The following MED24 variants were observed in gnomAD, a reference collection of about 807,000 sequenced individuals.
The protein encoded by MED24 is mediator complex subunit 24, also known as mediator of RNA polymerase II transcription subunit 24.
Under a neutral mutation model 118.8 loss-of-function variants are expected in MED24, and 74 were observed. The observed-to-expected ratio is 0.62, with a 90% confidence interval of 0.52 to 0.76. The LOEUF is 0.76. Ranked by LOEUF, MED24 falls within the 30% of genes least tolerant of loss-of-function variation. The pLI is 0.00. For synonymous variants in MED24, 521 were observed against 523.9 expected (o/e 0.99, Z 0.08); for missense variants, 1,041 against 1,278.9 (o/e 0.81, Z 2.84).
Position 40,026,344 on chromosome 17 carries a change from G to T in MED24, c.1810-13C>A, listed in dbSNP as rs372598387. ...TATCAGTGATTTTCTAGGGGAGACG[G>T]AAAGGTGATGGGCTACCATCTATCT... On this transcript the variant is annotated splice_polypyrimidine_tract_variant and intron_variant, in intron 18 of 25. Coordinates refer to ENST00000394128, the MANE Select transcript of MED24 (RefSeq NM_014815.4). 9 of 1,610,352 alleles carry T rather than the reference G, an allele frequency of 5.6e-6. No homozygotes were observed. The African/African-American group carries it at 9.3e-5, about 17-fold the overall frequency.
intron 3 of MED24, among the ~76,000 whole-genome samples, chr17:40,040,101 C>T (rs546113921): frequency 7.2e-6 from 1 of 138,568 alleles, no homozygotes; most frequent in Non-Finnish European, 1.5e-5. Context: ...TTTTTTGAGA[C>T]AGAGTCTCAC....
At chr17:40,031,662 C>T (rs544927811) in intron 10 of MED24, 42 bp from the exon 11 acceptor site, 2 of 1,561,658 alleles carry the variant, frequency 1.3e-6, no homozygotes, top group South Asian at 1.1e-5. Flanking sequence ...CCAGGGCCAC[C>T]AGGCCCTGAT....
At chr17:40,036,018 T>A in intron 4 of MED24, 98 bp downstream of exon 4, 1 of 1,379,740 alleles carries the variant, frequency 7.2e-7, no homozygotes, top group Non-Finnish European at 1.0e-6. Flanking sequence ...CATCATGTGC[T>A]GCCTATCCAG....
At chr17:40,042,658 G>A (rs1317336342) in intron 3 of MED24, among the ~76,000 whole-genome samples, 1 of 152,098 alleles carries the variant, frequency 6.6e-6, no homozygotes, top group Non-Finnish European at 1.5e-5. Flanking sequence ...CAGCCTGGAA[G>A]ACAGAGTGAT....
intron 15 of MED24, chr17:40,027,691 G>A (rs1598341108): frequency 1.5e-6 from 1 of 666,662 alleles, no homozygotes; most frequent in East Asian, 2.7e-5. Context: ...AAGTCGTAAA[G>A]GGATGAGGGG....
At chr17:40,020,042 T>C in intron 24 of MED24, 109 bp from the exon 25 acceptor site, 1 of 1,375,794 alleles carries the variant, frequency 7.3e-7, no homozygotes, top group Non-Finnish European at 1.0e-6. Flanking sequence ...ATGCTGAGCA[T>C]GTCCCCAAAA....
At position 40,019,563 on chromosome 17, in the gene MED24, C is replaced by A. The variant is rs761984159; in HGVS notation, c.2936G>T (p.Arg979Leu). ...AGCAATGGCTTTAGCAGCCACCTGG[C>A]GGCCCAGGGGCAGGCTGAGGTCCGT... ...AITDLSLPLG[R>L]QVAAKAIAAL Residue 979 changes from arginine (R) to leucine (L), a missense_variant, in exon 26 of 26, where the codon CGC (arginine) becomes CTC (leucine). Physicochemically the swap from Arg to Leu is moderately radical, Grantham distance 102. Coordinates refer to ENST00000394128, the MANE Select transcript of MED24 (RefSeq NM_014815.4). 2.5e-6 allele frequency: 4 copies of A among 1,612,444 alleles called. No homozygotes were observed. The highest frequency in any genetic ancestry group is 2.5e-6 in the Non-Finnish European group (3 of 1,179,530).
At position 40,021,931 on chromosome 17, in the gene MED24, C is replaced by T. The variant is rs536634135; in HGVS notation, c.2623+24G>A. ...AGTGAATTCCCAGGAAAAGGAGCGG[C>T]GCGCGGCCAGCCCACACACTCACTG... is the stretch of plus-strand genomic sequence containing the variant. On this transcript the variant is annotated intron_variant, in intron 23 of 25. Transcript: ENST00000394128. The T allele has an allele frequency of 4.7e-5, 71 of 1,518,988 alleles. No homozygotes were observed. In the South Asian group the frequency reaches 6.2e-4, roughly 13 times the overall value. 94.1% of individuals were successfully genotyped at this position (1,518,988 alleles called of 1,614,324 possible).
Position 40,053,496 on chromosome 17 carries a change from C to G in MED24, c.103G>C (p.Ala35Pro). Residue 35 changes from alanine (A) to proline (P), a missense_variant, in exon 2 of 26, where the codon GCC becomes CCC. Ala to Pro is a conservative substitution (Grantham distance 27). Around this residue, in one of 3 missense-constraint regions of MED24, gnomAD observed 434 missense variants for 514.9 expected, o/e 0.84. Transcript: ENST00000394128. ...INMKKFFPKG[A>P]TWDILNLADA... ...GCCAGGTTGAGAATATCCCAGGTGGCTCCTTTAGGAAAGAATTTCTTCATG... is the reference window on the plus strand; with the variant it reads ...GCCAGGTTGAGAATATCCCAGGTGGGTCCTTTAGGAAAGAATTTCTTCATG... 6.2e-7 allele frequency: 1 copy of G among 1,614,212 alleles called. No homozygotes were observed. Among genetic ancestry groups the G allele is most frequent in the Non-Finnish European group, 8.5e-7 (1 of 1,180,044 alleles).
chr17:40,031,175 T>C lies in MED24; in HGVS notation c.1138A>G (p.Asn380Asp), dbSNP rs150033509. 222 of 1,568,450 alleles carry C rather than the reference T, an allele frequency of 1.4e-4. No individual in the cohort carries two copies. Among genetic ancestry groups the C allele is most frequent in the Non-Finnish European group, 1.9e-4 (215 of 1,155,646 alleles). ...QGLLSEASVN[N>D]LMAKRKADRE... ...CACACTTACCGCTTAGCCATAAGGT[T>C]GTTGACGCTGGCCTCAGACAGAAGC... Residue 380 changes from asparagine to aspartate, a missense_variant, in exon 12 of 26, where the codon AAC (asparagine) becomes GAC (aspartate). Around this residue, in one of 3 missense-constraint regions of MED24, gnomAD observed 434 missense variants for 514.9 expected, o/e 0.84. Transcript: ENST00000394128.
chr17:40,022,388 G>A lies in MED24; in HGVS notation c.2523+6C>T. On this transcript the variant is annotated splice_donor_region_variant and intron_variant, in intron 22 of 25. Coordinates refer to ENST00000394128, the MANE Select transcript of MED24 (RefSeq NM_014815.4). ...TGAAGCCGGCGAGGGCAGCTGGGGGGCCTACCTCAATGTCTTCGCGGTGTC... is the reference window on the plus strand; with the variant it reads ...TGAAGCCGGCGAGGGCAGCTGGGGGACCTACCTCAATGTCTTCGCGGTGTC... 2.5e-6 allele frequency: 4 copies of A among 1,604,294 alleles called. No individual in the cohort carries two copies. Among genetic ancestry groups the A allele is most frequent in the East Asian group, 2.2e-5 (1 of 44,566 alleles).
Position 40,033,917 on chromosome 17 carries a change from G to A in MED24, c.560-461C>T, listed in dbSNP as rs1038015526. 40 of 364,506 alleles carry A rather than the reference G, an allele frequency of 1.1e-4. No individual in the cohort carries two copies. The highest frequency in any genetic ancestry group is 9.6e-4 in the Middle Eastern group (1 of 1,038). The allele number at this position is 364,506 out of a possible 1,614,324, so 22.6% of individuals were successfully genotyped here. On this transcript the variant is annotated intron_variant, in intron 6 of 25. Coordinates refer to ENST00000394128, the MANE Select transcript of MED24 (RefSeq NM_014815.4). The surrounding 1 kb of genome is among the most constrained non-coding windows in gnomAD (Gnocchi z 5.2). ...AACCACTCCCTCATCTAGGCATTGC[G>A]TTTGCTGCCCTCCCCTGCTGAAGGC...
chr17:40,036,383 G>A (rs1409085247), intron 3 of MED24, among the ~76,000 whole-genome samples: 1 of 152,066 alleles, frequency 6.6e-6, no homozygotes, highest in East Asian at 1.9e-4. Context: ...GATGATTCTG[G>A]GGATGCTCAA....
At chr17:40,020,425 C>G (rs531506360) in intron 23 of MED24, 72 bp from the exon 24 acceptor site, 2 of 1,550,798 alleles carry the variant, frequency 1.3e-6, no homozygotes, top group African/African-American at 2.7e-5. Context: ...CCGGGGATGC[C>G]CCAACCCGAC....
intron 3 of MED24, among the ~76,000 whole-genome samples, chr17:40,038,709 C>CAAA (rs547061911): frequency 4.6e-4 from 39 of 84,342 alleles, no homozygotes; most frequent in African/African-American, 1.4e-3. Context: ...GACTCCATCT[C>CAAA]AAAAAAAAAA....
chr17:40,034,278 G>T (rs1246940672), intron 6 of MED24, among the ~76,000 whole-genome samples: 1 of 152,174 alleles, frequency 6.6e-6, no homozygotes. Flanking sequence ...TAGGGAAGAG[G>T]CTGTCAACAC....
intron 19 of MED24, chr17:40,023,660 A>G (rs2144866709): frequency 2.4e-6 from 1 of 419,434 alleles, no homozygotes; most frequent in Middle Eastern, 6.3e-4. Flanking sequence ...TTCCAGCCAG[A>G]TATTCACATT....
chr17:40,029,478 G>A (rs1258819020), intron 13 of MED24, among the ~76,000 whole-genome samples: 4 of 152,184 alleles, frequency 2.6e-5, no homozygotes, highest in African/African-American at 7.2e-5. Flanking sequence ...GATTACAGGC[G>A]TGAGCCACCG....
Position 40,020,350 on chromosome 17 carries a change from T to A in MED24, c.2627A>T (p.Asp876Val). The change falls in exon 24 of 26, where the codon GAC becomes GTC. Residue 876 changes from aspartate (D) to valine (V), a missense_variant. Transcript: ENST00000394128. The part of the protein sequence containing the change: ...DDANILSSPT[D>V]RSMSSSLSAS... ...TGAGAGGGAGCTGCTCATGGATCGG[T>A]CTGCTGTGGGACGGAGCAGATGGAG... is the stretch of plus-strand genomic sequence containing the variant. 1 of 1,596,818 alleles carries A rather than the reference T, an allele frequency of 6.3e-7. No individual in the cohort carries two copies. The highest frequency in any genetic ancestry group is 8.5e-7 in the Non-Finnish European group (1 of 1,171,726).
Sources: allele counts gnomAD v4.1 joint callset (sites outside exome capture counted in the v4.1 genomes callset), GRCh38; gene constraint gnomAD v4.1.1; regional missense constraint gnomAD v4.1.1; non-coding constraint Gnocchi (gnomAD v3.1); transcripts MANE v1.5; gene names NCBI Gene and HGNC (gene_info 2026-07-23, HGNC 2026-07-21).